Variants in DAXX observed in about 807,000 individuals in gnomAD.
DAXX encodes the protein death domain-associated protein 6.
Under a neutral mutation model 61.9 loss-of-function variants are expected in DAXX, and 24 were observed. That is an observed-to-expected ratio of 0.39 (90% confidence interval 0.28 to 0.55). The LOEUF is 0.55. DAXX is among the 20% of genes least tolerant of loss of function. DAXX has a pLI of 0.69. For synonymous variants in DAXX, 357 were observed against 369.5 expected (o/e 0.97, Z 0.39); for missense variants, 819 against 935.3 (o/e 0.88, Z 1.62).
At chr6:33,322,322 C>T (rs1770734806) in intron 1 of DAXX, among the ~76,000 whole-genome samples, 1 of 152,066 alleles carries the variant, frequency 6.6e-6, no homozygotes, top group Non-Finnish European at 1.5e-5. Context: ...CTTGCACAGA[C>T]AACACACTCC....
Position 33,322,844 on chromosome 6 carries a change from G to T in DAXX, c.-53+18C>A. On this transcript the variant is annotated intron_variant, in intron 1 of 7. Coordinates refer to ENST00000374542, the MANE Select transcript of DAXX (RefSeq NM_001141969.2). ...ATCCCCGCCCCCGCCTCTGATCCCCGCACCGTCCGGCCCCCACCTCAGAAA... is the reference window on the plus strand; with the variant it reads ...ATCCCCGCCCCCGCCTCTGATCCCCTCACCGTCCGGCCCCCACCTCAGAAA... 2.3e-5 allele frequency: 12 copies of T among 530,782 alleles called. No homozygotes were observed. Among genetic ancestry groups the T allele is most frequent in the East Asian group, 5.9e-5 (1 of 16,918 alleles). 32.9% of individuals were successfully genotyped at this position (530,782 alleles called of 1,614,324 possible). A position where few individuals can be genotyped will look rare whatever the true frequency, so the allele number is the denominator to read the frequency against.
In DAXX at chr6:33,322,914, T is replaced by A; in HGVS notation, c.-105A>T. On this transcript the variant is annotated 5_prime_UTR_variant, in exon 1 of 8. It removes an upstream start codon present in the reference 5' UTR. Transcript: ENST00000374542. ...TCGCCGCAATTCTCAGAACCTCGCA[T>A]GGTTCCCTCCGCCTTCCTTCCCACT... 7.1e-7 allele frequency: 1 copy of A among 1,409,640 alleles called. No homozygotes were observed. Among genetic ancestry groups the A allele is most frequent in the Non-Finnish European group, 9.6e-7 (1 of 1,044,642 alleles). The allele number at this position is 1,409,640 out of a possible 1,614,324, so 87.3% of individuals were successfully genotyped here.
Position 33,322,926 on chromosome 6 carries a change from C to T in DAXX, c.-117G>A. On this transcript the variant is annotated 5_prime_UTR_variant, in exon 1 of 8. Transcript: ENST00000374542. The stretch of plus-strand genomic sequence containing the variant: ...TCAGAACCTCGCATGGTTCCCTCCG[C>T]CTTCCTTCCCACTCCCACCGCAGGC... 1 of 1,425,200 alleles carries T rather than the reference C, an allele frequency of 7.0e-7. No individual in the cohort carries two copies. Among genetic ancestry groups the T allele is most frequent in the Non-Finnish European group, 9.5e-7 (1 of 1,050,564 alleles). 88.3% of individuals were successfully genotyped at this position (1,425,200 alleles called of 1,614,324 possible).
chr6:33,321,969 G>A lies in DAXX; in HGVS notation c.-44C>T. 6.3e-7 allele frequency: 1 copy of A among 1,578,458 alleles called. No individual in the cohort carries two copies. Among genetic ancestry groups the A allele is most frequent in the East Asian group, 2.3e-5 (1 of 44,284 alleles). ...GAGGGAGGAAGTGGTGGGGATTTCA[G>A]AATTCCTGCTGGAAGGGGATGGGGC... On this transcript the variant is annotated 5_prime_UTR_variant, in exon 2 of 8. Transcript: ENST00000374542. The surrounding 1 kb of genome is among the most constrained non-coding windows in gnomAD (Gnocchi z 7.2).
rs267600985 is a variant in DAXX, at chr6:33,321,565, G to A, written c.210C>T (p.Phe70=). ...CTGTCTGCATCTTACAAAGTTCAAG[G>A]AACTAGAAGGTTCAGGGGAAGAAGG... is the stretch of plus-strand genomic sequence containing the variant. ...KLENEKLFEE[F]LELCKMQTAD... is the part of the protein sequence containing the mutation. The change falls in exon 3 of 8, where the codon TTC becomes TTT. Residue 70 remains phenylalanine, a splice_region_variant and synonymous_variant. Transcript: ENST00000374542. This position sits in a 1 kb window ranked among gnomAD's most constrained non-coding sequence, Gnocchi z 7.2. 6.2e-7 allele frequency: 1 copy of A among 1,611,832 alleles called. No individual in the cohort carries two copies. The highest frequency in any genetic ancestry group is 2.2e-5 in the East Asian group (1 of 44,814).
At chr6:33,322,797 TC>T in intron 1 of DAXX, 64 bp downstream of exon 1, 1 of 746,962 alleles carries the variant, frequency 1.3e-6, no homozygotes, top group Non-Finnish European at 2.1e-6. Context: ...CGCCCAGCTC[TC>T]CCCAATACCT....
rs748847382 is a variant in DAXX, at chr6:33,322,933, T to G, written c.-124A>C. 1 of 1,397,098 alleles carries G rather than the reference T, an allele frequency of 7.2e-7. No homozygotes were observed. 86.5% of individuals were successfully genotyped at this position (1,397,098 alleles called of 1,614,324 possible). A position where few individuals can be genotyped will look rare whatever the true frequency, so the allele number is the denominator to read the frequency against. ...CTCGCATGGTTCCCTCCGCCTTCCT[T>G]CCCACTCCCACCGCAGGCCCCACTA... On this transcript the variant is annotated 5_prime_UTR_variant, in exon 1 of 8. Transcript: ENST00000374542.
Position 33,320,661 on chromosome 6 carries a change from G to A in DAXX, c.1040-70C>T. On this transcript the variant is annotated intron_variant, in intron 3 of 7. Transcript: ENST00000374542. This position sits in a 1 kb window ranked among gnomAD's most constrained non-coding sequence, Gnocchi z 7.1. ...ACTAGAAGAGTAAAAACCCTAGAAAGGACTAGAGAGATGCCCCATCCGCCT... is the reference window on the plus strand; with the variant it reads ...ACTAGAAGAGTAAAAACCCTAGAAAAGACTAGAGAGATGCCCCATCCGCCT... The A allele has an allele frequency of 6.2e-7, 1 of 1,603,702 alleles. No homozygotes were observed.
chr6:33,319,084 G>T lies in DAXX; in HGVS notation c.2076C>A (p.Gly692=), dbSNP rs1160944105. 6.2e-7 allele frequency: 1 copy of T among 1,614,034 alleles called. No individual in the cohort carries two copies. The highest frequency in any genetic ancestry group is 1.3e-5 in the African/African-American group (1 of 74,946). ...SSTRVDSPSH[G]LVTSSLCIPS... ...GGATGCAGAGGGAGCTGGTCACCAG[G>T]CCATGGCTGGGAGAGTCCACCCTCG... Residue 692 remains glycine, a synonymous_variant, in exon 7 of 8, where the codon GGC becomes GGA. Coordinates refer to ENST00000374542, the MANE Select transcript of DAXX (RefSeq NM_001141969.2).
chr6:33,320,790 GACGTCGCTCCTGTA>G lies in DAXX; in HGVS notation c.971_984del (p.Leu324SerfsTer15). On this transcript the variant is annotated frameshift_variant, in exon 3 of 8. Coordinates refer to ENST00000374542, the MANE Select transcript of DAXX (RefSeq NM_001141969.2). LOFTEE classifies it high-confidence loss of function. This position sits in a 1 kb window ranked among gnomAD's most constrained non-coding sequence, Gnocchi z 7.1. Reference sequence around the variant, plus strand: ...CCAAAGTTGTAGATGAGATCGAGGTGACGTCGCTCCTGTAACCTGATGCCCACATCTCGGAAGGC... The same window carrying G: ...CCAAAGTTGTAGATGAGATCGAGGTGACCTGATGCCCACATCTCGGAAGGC... 6.2e-7 allele frequency: 1 copy of G among 1,614,196 alleles called. No homozygotes were observed. Among genetic ancestry groups the G allele is most frequent in the Non-Finnish European group, 8.5e-7 (1 of 1,180,032 alleles).
rs532031127 is a variant in DAXX at position 33,322,048 on chromosome 6, G to T, written c.-52-71C>A. ...CATCCCTTCACCTCACACATTTTCT[G>T]AACTCCTTGGGTTTCAGTAACATCC... On this transcript the variant is annotated intron_variant, in intron 1 of 7. Transcript: ENST00000374542. The T allele has an allele frequency of 4.6e-5, 52 of 1,124,218 alleles. 1 individual carries two copies. In the Admixed American group the frequency reaches 9.7e-4, roughly 21 times the overall value. 69.6% of individuals were successfully genotyped at this position (1,124,218 alleles called of 1,614,324 possible). A position where few individuals can be genotyped will look rare whatever the true frequency, so the allele number is the denominator to read the frequency against.
At position 33,319,391 on chromosome 6, in the gene DAXX, T is replaced by C. The variant is rs780221003; in HGVS notation, c.1929A>G (p.Pro643=). Residue 643 remains proline, a synonymous_variant, in exon 6 of 8, where the codon CCA becomes CCG. Transcript: ENST00000374542. ...RKEKKQTGSG[P]LGNSYVERQR... ...CCTCTTGTTATTACCTGTTTCCTAA[T>C]GGCCCTGATCCTGTTTGCTTCTTCT... 1.2e-6 allele frequency: 2 copies of C among 1,611,222 alleles called. No homozygotes were observed. Among genetic ancestry groups the C allele is most frequent in the South Asian group, 1.1e-5 (1 of 90,964 alleles).
In DAXX at chr6:33,320,728, C is replaced by A. The variant is rs1163226444; in HGVS notation, c.1039+8G>T. The A allele has an allele frequency of 6.2e-7, 1 of 1,612,458 alleles. No individual in the cohort carries two copies. The highest frequency in any genetic ancestry group is 1.3e-5 in the African/African-American group (1 of 74,922). ...GGGTCACTGAGAGGCATCCCACCAACCCCCTACCTGGCCTATAGTCATCTG... is the reference window on the plus strand; with the variant it reads ...GGGTCACTGAGAGGCATCCCACCAAACCCCTACCTGGCCTATAGTCATCTG... On this transcript the variant is annotated splice_region_variant and intron_variant, in intron 3 of 7. Transcript: ENST00000374542. This position sits in a 1 kb window ranked among gnomAD's most constrained non-coding sequence, Gnocchi z 7.1.
rs1452213129 is a variant in DAXX, at chr6:33,321,361, T to A, written c.414A>T (p.Ser138=). 6.2e-7 allele frequency: 1 copy of A among 1,613,722 alleles called. No individual in the cohort carries two copies. Among genetic ancestry groups the A allele is most frequent in the South Asian group, 1.1e-5 (1 of 91,074 alleles). The stretch of plus-strand genomic sequence containing the variant: ...GGGCCAAGTTCAGCTTCTTTTTGGC[T>A]GAGTGGGCCTTGAGAACAGTGCAGA... ...NELCTVLKAH[S]AKKKLNLAPA... The change falls in exon 3 of 8, where the codon TCA becomes TCT. Residue 138 remains serine, a synonymous_variant. Coordinates refer to ENST00000374542, the MANE Select transcript of DAXX (RefSeq NM_001141969.2). This position sits in a 1 kb window ranked among gnomAD's most constrained non-coding sequence, Gnocchi z 7.2.
Position 33,319,140 on chromosome 6 carries a change from C to A in DAXX, c.2020G>T (p.Ala674Ser). 1.2e-6 allele frequency: 2 copies of A among 1,614,118 alleles called. No individual in the cohort carries two copies. Among genetic ancestry groups the A allele is most frequent in the Non-Finnish European group, 1.7e-6 (2 of 1,180,010 alleles). Residue 674 changes from alanine (A) to serine (S), a missense_variant, in exon 7 of 8, where the codon GCT (alanine) becomes TCT (serine). Transcript: ENST00000374542. ...CTLPSPPSPL[A>S]SLAPVADSST... is the part of the protein sequence containing the mutation. Reference sequence around the variant, plus strand: ...GAATCAGCAACTGGGGCCAAGGAAGCCAAGGGGGAAGGTGGGCTGGGCAGG... The same window carrying A: ...GAATCAGCAACTGGGGCCAAGGAAGACAAGGGGGAAGGTGGGCTGGGCAGG...
Position 33,322,929 on chromosome 6 carries a change from T to G in DAXX, c.-120A>C, listed in dbSNP as rs745392893. On this transcript the variant is annotated 5_prime_UTR_variant, in exon 1 of 8. Coordinates refer to ENST00000374542, the MANE Select transcript of DAXX (RefSeq NM_001141969.2). ...GAACCTCGCATGGTTCCCTCCGCCT[T>G]CCTTCCCACTCCCACCGCAGGCCCC... 3.6e-6 allele frequency: 5 copies of G among 1,405,308 alleles called. No individual in the cohort carries two copies. The highest frequency in any genetic ancestry group is 1.1e-5 in the South Asian group (1 of 87,814). The allele number at this position is 1,405,308 out of a possible 1,614,324, so 87.1% of individuals were successfully genotyped here.
chr6:33,320,368 C>G lies in DAXX; in HGVS notation c.1251+12G>C, dbSNP rs1364984453. The G allele has an allele frequency of 6.3e-7, 1 of 1,581,370 alleles. No homozygotes were observed. Among genetic ancestry groups the G allele is most frequent in the Non-Finnish European group, 8.7e-7 (1 of 1,150,064 alleles). On this transcript the variant is annotated intron_variant, in intron 4 of 7. Coordinates refer to ENST00000374542, the MANE Select transcript of DAXX (RefSeq NM_001141969.2). The surrounding 1 kb of genome is among the most constrained non-coding windows in gnomAD (Gnocchi z 7.1). ...GGACAATGTCTCTCTGAAGGCTGTA[C>G]CCCATCCACACCTCACCAGAATCCA...
Position 33,322,851 on chromosome 6 carries a change from C to T in DAXX, c.-53+11G>A. On this transcript the variant is annotated intron_variant, in intron 1 of 7. Coordinates refer to ENST00000374542, the MANE Select transcript of DAXX (RefSeq NM_001141969.2). ...CCCCCGCCTCTGATCCCCGCACCGTCCGGCCCCCACCTCAGAAACCGTCTC... is the reference window on the plus strand; with the variant it reads ...CCCCCGCCTCTGATCCCCGCACCGTTCGGCCCCCACCTCAGAAACCGTCTC... 7.4e-7 allele frequency: 1 copy of T among 1,345,054 alleles called. No homozygotes were observed. The highest frequency in any genetic ancestry group is 1.0e-6 in the Non-Finnish European group (1 of 979,484). The allele number at this position is 1,345,054 out of a possible 1,614,324, so 83.3% of individuals were successfully genotyped here.
chr6:33,319,978 A>G, intron 5 of DAXX, 33 bp downstream of exon 5: 1 of 1,612,918 alleles, frequency 6.2e-7, no homozygotes, highest in Non-Finnish European at 8.5e-7. Flanking sequence ...CAAAACAGAA[A>G]TGACAGGTGA....
Sources: gnomAD v4.1 joint callset for allele counts (sites outside exome capture counted in the v4.1 genomes callset) on GRCh38, gnomAD v4.1.1 for gene constraint, Gnocchi (gnomAD v3.1) non-coding constraint, MANE v1.5 for transcripts, NCBI Gene and HGNC (gene_info 2026-07-23, HGNC 2026-07-21) for gene names.